The following PDE1A variants were observed in gnomAD, a reference collection of about 807,000 sequenced individuals.
PDE1A encodes the protein phosphodiesterase 1A.
Under a neutral mutation model 61.7 loss-of-function variants are expected in PDE1A, and 35 were observed. That is an observed-to-expected ratio of 0.57 (90% CI 0.43 to 0.75). The LOEUF (loss-of-function observed/expected upper bound fraction) is 0.75, where lower values mean the gene tolerates loss of function less well. PDE1A is among the 30% of genes least tolerant of loss of function. PDE1A has a pLI of 0.00. For missense variants in PDE1A, 597 were observed against 630.6 expected (o/e 0.95, Z 0.57); for synonymous variants, 232 against 213.2 (o/e 1.09, Z -0.77).
At chr2:182,146,514 C>A (rs1315106813), downstream of PDE1A, among the ~76,000 whole-genome samples, 1 of 152,104 alleles carries the variant, frequency 6.6e-6, no homozygotes, top group Non-Finnish European at 1.5e-5. Context: ...GAGATGGAGT[C>A]TTGCACTGTC....
At chr2:182,607,382 G>A in the PDE1A span, among the ~76,000 whole-genome samples, 515 of 152,300 alleles carry the variant, frequency 3.4e-3, 5 homozygotes, top group Middle Eastern at 6.8e-3. Context: ...TGCCTGGATT[G>A]TTTGAGGAAT....
At chr2:182,710,863 T>C in the PDE1A span, among the ~76,000 whole-genome samples, 3 of 152,234 alleles carry the variant, frequency 2.0e-5, no homozygotes, top group African/African-American at 7.2e-5. Flanking sequence ...ACATCTATGC[T>C]AACTCTACCC....
chr2:182,644,248 CAG>C, the PDE1A span, among the ~76,000 whole-genome samples: 4 of 127,562 alleles, frequency 3.1e-5, no homozygotes, highest in African/African-American at 9.0e-5. Flanking sequence ...GTCTCCAGGT[CAG>C]AGTCTTAAGA....
chr2:182,527,345 T>A (rs867814845), upstream of PDE1A, among the ~76,000 whole-genome samples: 428 of 28,880 alleles, frequency 0.015, 122 homozygotes, highest in African/African-American at 0.091. Flanking sequence ...TATATATATA[T>A]ATATATATAT....
At chr2:182,402,559 C>A (rs1328168054) in intron 1 of PDE1A, among the ~76,000 whole-genome samples, 1 of 151,960 alleles carries the variant, frequency 6.6e-6, no homozygotes, top group Non-Finnish European at 1.5e-5. Flanking sequence ...TGTAAAGCCC[C>A]AAACCATACA....
At chr2:182,345,833 C>T (rs1176118460) in intron 1 of PDE1A, among the ~76,000 whole-genome samples, 2 of 152,162 alleles carry the variant, frequency 1.3e-5, no homozygotes, top group African/African-American at 4.8e-5. Context: ...GTCCCCTCCC[C>T]GTGATTGCCT....
intron 13 of PDE1A, among the ~76,000 whole-genome samples, chr2:182,152,849 G>A (rs1336928637): frequency 6.6e-6 from 1 of 152,154 alleles, no homozygotes; most frequent in African/African-American, 2.4e-5. Flanking sequence ...GAAAAAGAAG[G>A]CTGTGAAAAC....
At chr2:182,441,863 T>C (rs1684818930) in intron 2 of PDE1A, among the ~76,000 whole-genome samples, 1 of 152,070 alleles carries the variant, frequency 6.6e-6, no homozygotes, top group South Asian at 2.1e-4. Context: ...GTTTTATGTC[T>C]TATTGCCCAC....
the PDE1A span, among the ~76,000 whole-genome samples, chr2:182,560,811 C>T: frequency 6.6e-6 from 1 of 152,036 alleles, no homozygotes; most frequent in Non-Finnish European, 1.5e-5. Flanking sequence ...TCTCTGATGG[C>T]CAGTGATGGT....
intron 2 of PDE1A, among the ~76,000 whole-genome samples, chr2:182,514,243 A>G (rs4666852): frequency 0.42 from 63,528 of 152,066 alleles, 13,640 homozygotes; most frequent in Middle Eastern, 0.54. Context: ...TTGCTAAAAT[A>G]TCCATACTGC....
chr2:182,619,044 C>T, the PDE1A span, among the ~76,000 whole-genome samples: 1 of 146,772 alleles, frequency 6.8e-6, no homozygotes, highest in South Asian at 2.2e-4. Context: ...AAAAAAAAAA[C>T]AAAAATAGGC....
chr2:182,626,715 C>T, the PDE1A span, among the ~76,000 whole-genome samples: 1 of 42,974 alleles, frequency 2.3e-5, no homozygotes, highest in Admixed American at 5.4e-4. Context: ...GAACAAATGG[C>T]TTTATATATA....
chr2:182,210,784 T>C (rs547143874), intron 7 of PDE1A, among the ~76,000 whole-genome samples: 6 of 152,324 alleles, frequency 3.9e-5, no homozygotes, highest in African/African-American at 1.2e-4. Flanking sequence ...TTATAGATTT[T>C]TGTTTTAAAT....
chr2:182,179,050 A>G (rs1021864626), intron 13 of PDE1A, among the ~76,000 whole-genome samples: 1 of 152,136 alleles, frequency 6.6e-6, no homozygotes, highest in Non-Finnish European at 1.5e-5. Flanking sequence ...CCCTGGATTG[A>G]CCAGGCTTAC....
chr2:182,374,283 A>G (rs902601110), intron 1 of PDE1A, among the ~76,000 whole-genome samples: 11 of 152,152 alleles, frequency 7.2e-5, no homozygotes, highest in Admixed American at 5.2e-4. Context: ...TCATATAGAA[A>G]GAATAAACTT....
chr2:182,331,137 G>A (rs1264646312), intron 1 of PDE1A, among the ~76,000 whole-genome samples: 1 of 152,174 alleles, frequency 6.6e-6, no homozygotes, highest in Non-Finnish European at 1.5e-5. Flanking sequence ...GGCATAGAGA[G>A]GCTTAGTCAC....
At chr2:182,377,100 A>C (rs1700455037) in intron 1 of PDE1A, among the ~76,000 whole-genome samples, 1 of 152,150 alleles carries the variant, frequency 6.6e-6, no homozygotes, top group Admixed American at 6.6e-5. Context: ...TGGGTAAAAA[A>C]ATTATGAAAA....
At chr2:182,191,891 T>C (rs1386101270) in intron 10 of PDE1A, among the ~76,000 whole-genome samples, 1 of 151,938 alleles carries the variant, frequency 6.6e-6, no homozygotes, top group Admixed American at 6.6e-5. Flanking sequence ...GTTTCGCTCT[T>C]GTTGCCCAGG....
chr2:182,402,825 T>C (rs2125459427), intron 1 of PDE1A, among the ~76,000 whole-genome samples: 1 of 152,092 alleles, frequency 6.6e-6, no homozygotes, highest in East Asian at 1.9e-4. Context: ...TAAACAAATT[T>C]ATAAGAAAAA....
Sources: allele counts gnomAD v4.1 joint callset (sites outside exome capture counted in the v4.1 genomes callset), GRCh38; gene constraint gnomAD v4.1.1; transcripts MANE v1.5; gene names NCBI Gene and HGNC (gene_info 2026-07-23, HGNC 2026-07-21).